C1orf226: variants seen among roughly 807,000 people sequenced by gnomAD.
C1orf226 encodes the protein uncharacterized protein C1orf226.
In C1orf226, 4 loss-of-function variants were observed where a neutral mutation model predicts 10.5. The observed-to-expected ratio is 0.38, with a 90% CI of 0.19 to 0.87. The LOEUF is 0.87. Ranked by LOEUF, C1orf226 falls within the 40% of genes least tolerant of loss-of-function variation. The pLI is 0.41. For missense variants in C1orf226, 313 were observed against 336.2 expected (o/e 0.93, Z 0.54); for synonymous variants, 125 against 139.3 (o/e 0.90, Z 0.72).
rs917407283 is a variant in C1orf226, at chr1:162,385,785, T to C, written c.*2102T>C. ...ACCAGGAGCATGGTTTGTGCTTTGA[T>C]GGGAAACCTAGCAAGCCCCTGCACT... On this transcript the variant is annotated 3_prime_UTR_variant, in exon 2 of 2. Transcript: ENST00000458626. The C allele has an allele frequency of 3.9e-5, 6 of 152,206 alleles. No homozygotes were observed. The highest frequency in any genetic ancestry group is 1.2e-4 in the African/African-American group (5 of 41,434). The allele number at this position is 152,206 out of a possible 1,614,324, so 9.4% of individuals were successfully genotyped here.
At position 162,383,452 on chromosome 1, in the gene C1orf226, C is replaced by T. The variant is rs762735829; in HGVS notation, c.588C>T (p.Ser196=). The part of the protein sequence containing the change: ...RGKVLPNGEV[S]LSVPDLIHKD... The stretch of plus-strand genomic sequence containing the variant: ...AAGTTCTGCCCAATGGAGAGGTTTC[C>T]CTGTCAGTACCTGACCTAATCCACA... The change falls in exon 2 of 2, where the codon TCC becomes TCT. Residue 196 remains serine (S), a synonymous_variant. Transcript: ENST00000458626. The T allele has an allele frequency of 3.8e-5, 60 of 1,589,762 alleles. No homozygotes were observed. Among genetic ancestry groups the T allele is most frequent in the African/African-American group, 1.3e-5 (1 of 74,418 alleles).
In C1orf226 at chr1:162,383,171, T is replaced by C; in HGVS notation, c.318-11T>C. ...TTAAGGCATGTGTGTTTATTGTCAT[T>C]AACCTTACAGGTCAGTCCTGCAAGA... On this transcript the variant is annotated splice_polypyrimidine_tract_variant and intron_variant, in intron 1 of 1. Transcript: ENST00000458626. 6.5e-7 allele frequency: 1 copy of C among 1,547,594 alleles called. No homozygotes were observed. The highest frequency in any genetic ancestry group is 8.7e-7 in the Non-Finnish European group (1 of 1,147,754).
chr1:162,383,049 G>C (rs1316751660), intron 1 of C1orf226, 133 bp from the exon 2 acceptor site: 2 of 839,604 alleles, frequency 2.4e-6, no homozygotes, highest in Non-Finnish European at 3.7e-6. Flanking sequence ...CCAAGAACCA[G>C]AGCCCAAGGA....
rs762735829 is a variant in C1orf226, at chr1:162,383,452, C to A, written c.588C>A (p.Ser196=). 4.0e-5 allele frequency: 64 copies of A among 1,589,762 alleles called. No homozygotes were observed. The highest frequency in any genetic ancestry group is 4.6e-5 in the Non-Finnish European group (54 of 1,167,602). Reference sequence around the variant, plus strand: ...AAGTTCTGCCCAATGGAGAGGTTTCCCTGTCAGTACCTGACCTAATCCACA... The same window carrying A: ...AAGTTCTGCCCAATGGAGAGGTTTCACTGTCAGTACCTGACCTAATCCACA... ...RGKVLPNGEV[S]LSVPDLIHKD... Residue 196 remains serine, a synonymous_variant, in exon 2 of 2, where the codon TCC becomes TCA. Transcript: ENST00000458626.
rs1382422322 is a variant in C1orf226 at position 162,386,336 on chromosome 1, C to A, written c.*2653C>A. 1 of 152,346 alleles carries A rather than the reference C, an allele frequency of 6.6e-6. No homozygotes were observed. The highest frequency in any genetic ancestry group is 2.4e-5 in the African/African-American group (1 of 41,460). 9.4% of individuals were successfully genotyped at this position (152,346 alleles called of 1,614,324 possible). A position where few individuals can be genotyped will look rare whatever the true frequency, so the allele number is the denominator to read the frequency against. Reference sequence around the variant, plus strand: ...CTGTGACTGTAGCCTGGCAGCCACACCCTCAGTAATCCCGCACAGTGAGTC... The same window carrying A: ...CTGTGACTGTAGCCTGGCAGCCACAACCTCAGTAATCCCGCACAGTGAGTC... On this transcript the variant is annotated 3_prime_UTR_variant, in exon 2 of 2. Transcript: ENST00000458626.
Position 162,381,861 on chromosome 1 carries a change from C to A in C1orf226, c.-41C>A, listed in dbSNP as rs780299131. 6.2e-7 allele frequency: 1 copy of A among 1,606,808 alleles called. No individual in the cohort carries two copies. Among genetic ancestry groups the A allele is most frequent in the Non-Finnish European group, 8.5e-7 (1 of 1,178,372 alleles). On this transcript the variant is annotated 5_prime_UTR_variant, in exon 1 of 2. Transcript: ENST00000458626. ...ACAGGTACCGCTCCCCTTTCCTCAT[C>A]ATGCCTCTCTGTCGCCTCTTTGTTC...
In C1orf226 at chr1:162,383,476, C is replaced by A. The variant is rs568340772; in HGVS notation, c.612C>A (p.His204Gln). ...CCCTGTCAGTACCTGACCTAATCCACAAGGATAGCCAGGACGAATCCAAGC... is the reference window on the plus strand; with the variant it reads ...CCCTGTCAGTACCTGACCTAATCCAAAAGGATAGCCAGGACGAATCCAAGC... The part of the protein sequence containing the change: ...EVSLSVPDLI[H>Q]KDSQDESKLK... The change falls in exon 2 of 2, where the codon CAC becomes CAA. Residue 204 changes from histidine to glutamine, a missense_variant. His to Gln is a conservative substitution (Grantham distance 24). Transcript: ENST00000458626. 1 of 1,597,520 alleles carries A rather than the reference C, an allele frequency of 6.3e-7. No homozygotes were observed. Among genetic ancestry groups the A allele is most frequent in the South Asian group, 1.1e-5 (1 of 88,416 alleles).
chr1:162,381,578 G>T (rs80160544), upstream of C1orf226, among the ~76,000 whole-genome samples: 3 of 152,190 alleles, frequency 2.0e-5, no homozygotes, highest in Non-Finnish European at 4.4e-5. Context: ...TCCAAAGGGC[G>T]TGGTGACTCC....
At chr1:162,381,280 C>G (rs1328089969), upstream of C1orf226, among the ~76,000 whole-genome samples, 1 of 152,220 alleles carries the variant, frequency 6.6e-6, no homozygotes, top group Admixed American at 6.5e-5. Context: ...GCTTCACTGG[C>G]ACCGAGTTCC....
chr1:162,381,168 C>A (rs1036768021), upstream of C1orf226, among the ~76,000 whole-genome samples: 2 of 152,196 alleles, frequency 1.3e-5, no homozygotes, highest in Non-Finnish European at 2.9e-5. Context: ...CTGCATTACG[C>A]GGAGTCCTGC....
At chr1:162,380,883 C>T (rs1226561982), upstream of C1orf226, among the ~76,000 whole-genome samples, 2 of 152,198 alleles carry the variant, frequency 1.3e-5, no homozygotes. Context: ...GGTACCAAAC[C>T]CAGGCTAGGT....
At chr1:162,381,111 T>A (rs1647889440), upstream of C1orf226, among the ~76,000 whole-genome samples, 1 of 152,230 alleles carries the variant, frequency 6.6e-6, no homozygotes, top group Non-Finnish European at 1.5e-5. Context: ...GCCTGAGTTC[T>A]AGCTCCAGCC....
intron 1 of C1orf226, 37 bp from the exon 2 acceptor site, chr1:162,383,145 C>T: frequency 6.6e-7 from 1 of 1,524,092 alleles, no homozygotes; most frequent in South Asian, 1.3e-5. Context: ...TCTTGCTGTC[C>T]TTAAGGCATG....
At position 162,385,671 on chromosome 1, in the gene C1orf226, G is replaced by A. The variant is rs555214866; in HGVS notation, c.*1988G>A. The A allele has an allele frequency of 6.6e-6, 1 of 152,272 alleles. No individual in the cohort carries two copies. The highest frequency in any genetic ancestry group is 2.1e-4 in the South Asian group (1 of 4,818). The allele number at this position is 152,272 out of a possible 1,614,324, so 9.4% of individuals were successfully genotyped here. A position where few individuals can be genotyped will look rare whatever the true frequency, so the allele number is the denominator to read the frequency against. On this transcript the variant is annotated 3_prime_UTR_variant, in exon 2 of 2. Coordinates refer to ENST00000458626, the MANE Select transcript of C1orf226 (RefSeq NM_001085375.2). ...TTTGAGTGTTCCCAGAATGGTTTGG[G>A]GTATCACACAAAACACCAGAGCTGA... is the stretch of plus-strand genomic sequence containing the variant.
In C1orf226 at chr1:162,383,551, G is replaced by T. The variant is rs777350627; in HGVS notation, c.687G>T (p.Arg229Ser). 4.9e-5 allele frequency: 78 copies of T among 1,606,464 alleles called. No individual in the cohort carries two copies. Among genetic ancestry groups the T allele is most frequent in the Middle Eastern group, 1.6e-4 (1 of 6,070 alleles). Residue 229 changes from arginine (R) to serine (S), a missense_variant, in exon 2 of 2, where the codon AGG (arginine) becomes AGT (serine). Transcript: ENST00000458626. ...CCTCCTCCCCCAGCCTTATCGAGAG[G>T]AATGGCTTCAAACTCAGCTTGAGCC... Reference protein sequence around the residue: ...RRASSPSLIERNGFKLSLSPI... With the variant: ...RRASSPSLIESNGFKLSLSPI...
chr1:162,379,544 A>G (rs1269030786), upstream of C1orf226, among the ~76,000 whole-genome samples: 2 of 152,246 alleles, frequency 1.3e-5, no homozygotes, highest in Non-Finnish European at 2.9e-5. Flanking sequence ...TGTAGAAGAT[A>G]AAGAAACACT....
rs775711895 is a variant in C1orf226 at position 162,383,501 on chromosome 1, C to T, written c.637C>T (p.Leu213=). The change falls in exon 2 of 2, where the codon CTA becomes TTA. Residue 213 remains leucine, a synonymous_variant. Transcript: ENST00000458626. ...CAAGGATAGCCAGGACGAATCCAAG[C>T]TAAAGATGACTGAGTGCAGAAGGGC... The part of the protein sequence containing the change: ...IHKDSQDESK[L]KMTECRRASS... 4 of 1,603,772 alleles carry T rather than the reference C, an allele frequency of 2.5e-6. No homozygotes were observed. The Admixed American group carries it at 6.8e-5, about 27-fold the overall frequency.
upstream of C1orf226, among the ~76,000 whole-genome samples, chr1:162,381,208 A>G (rs1328052064): frequency 1.3e-5 from 2 of 152,168 alleles, no homozygotes; most frequent in Admixed American, 6.5e-5. Flanking sequence ...ATATCCTTCC[A>G]TGTACCACCT....
At position 162,384,787 on chromosome 1, in the gene C1orf226, G is replaced by A. The variant is rs1648053580; in HGVS notation, c.*1104G>A. The stretch of plus-strand genomic sequence containing the variant: ...GGGGGGAAACCAGTTTTAATTAAGT[G>A]GAAGTGCTTTGTGCTTGTGCTGAAG... On this transcript the variant is annotated 3_prime_UTR_variant, in exon 2 of 2. Coordinates refer to ENST00000458626, the MANE Select transcript of C1orf226 (RefSeq NM_001085375.2). The A allele has an allele frequency of 6.5e-6, 1 of 153,088 alleles. No homozygotes were observed. Among genetic ancestry groups the A allele is most frequent in the African/African-American group, 2.4e-5 (1 of 41,582 alleles). The allele number at this position is 153,088 out of a possible 1,614,324, so 9.5% of individuals were successfully genotyped here.
Sources: gnomAD v4.1 joint callset for allele counts (sites outside exome capture counted in the v4.1 genomes callset) on GRCh38, gnomAD v4.1.1 for gene constraint, MANE v1.5 for transcripts, NCBI Gene and HGNC (gene_info 2026-07-23, HGNC 2026-07-21) for gene names.